The following CEP85L variants were observed in gnomAD, a reference collection of about 807,000 sequenced individuals.
CEP85L encodes centrosomal protein of 85 kDa-like.
A neutral mutation model predicts 100.3 loss-of-function variants in CEP85L; 60 were observed. The ratio of observed to expected loss-of-function variants is 0.60; its 90% CI spans 0.49 to 0.74. The LOEUF is 0.74. Among genes scored for constraint, CEP85L ranks in the 30% least tolerant of loss-of-function variants. The probability of loss-of-function intolerance (pLI) is 0.00; values close to 1 mark genes in which losing one functional copy is unlikely to be tolerated. For missense variants in CEP85L, 973 were observed against 936.2 expected (o/e 1.04, Z -0.51); for synonymous variants, 319 against 322.7 (o/e 0.99, Z 0.12).
At chr6:118,581,627 C>A (rs7751213) in intron 2 of CEP85L, among the ~76,000 whole-genome samples, 103,276 of 151,790 alleles carry the variant, frequency 0.68, 35,831 homozygotes, top group Middle Eastern at 0.74. Flanking sequence ...GGGAGGGAGA[C>A]TAGTTAGAGG....
intron 1 of CEP85L, among the ~76,000 whole-genome samples, chr6:118,640,918 CAGA>C (rs1444135374): frequency 2.6e-5 from 4 of 152,028 alleles, no homozygotes; most frequent in Non-Finnish European, 2.9e-5. Flanking sequence ...AGAAATTTTC[CAGA>C]AGGATAACTA....
chr6:118,574,815 G>A lies in CEP85L; in HGVS notation c.233-8499C>T, dbSNP rs998551570. ...GTGAATGAGACATACAATTAAGTGC[G>A]AAGCGAGTGTGGAGTCCAGATCCAT... On this transcript the variant is annotated intron_variant, in intron 2 of 12. Coordinates refer to ENST00000368491, the MANE Select transcript of CEP85L (RefSeq NM_001042475.3). Among the ~76,000 whole-genome samples the A allele has an allele frequency of 7.2e-5, 11 of 152,212 alleles. No individual in the cohort carries two copies. In the East Asian group the frequency reaches 1.3e-3, roughly 19 times the overall value.
intron 2 of CEP85L, among the ~76,000 whole-genome samples, chr6:118,567,786 T>C (rs1779641722): frequency 1.3e-5 from 2 of 152,156 alleles, no homozygotes; most frequent in South Asian, 2.1e-4. Context: ...AGGTAGACTA[T>C]TCAAAAAATA....
At chr6:118,545,327 C>T (rs1267949837) in intron 3 of CEP85L, among the ~76,000 whole-genome samples, 2 of 152,162 alleles carry the variant, frequency 1.3e-5, no homozygotes, top group South Asian at 2.1e-4. Flanking sequence ...CGGTGGCTCA[C>T]GCCTGTAATC....
chr6:118,679,381 GT>G (rs1317422102), intron 1 of CEP85L, among the ~76,000 whole-genome samples: 13 of 152,206 alleles, frequency 8.5e-5, no homozygotes, highest in Admixed American at 3.9e-4. Flanking sequence ...AGGAAGTAAT[GT>G]GCAGAATGAA....
intron 1 of CEP85L, among the ~76,000 whole-genome samples, chr6:118,649,116 A>T (rs987440342): frequency 6.6e-6 from 1 of 152,198 alleles, no homozygotes; most frequent in African/African-American, 2.4e-5. Context: ...TTTTCATCTA[A>T]GGTAGAACTT....
intron 1 of CEP85L, among the ~76,000 whole-genome samples, chr6:118,662,475 A>T (rs1480541767): frequency 6.6e-6 from 1 of 151,836 alleles, no homozygotes; most frequent in Admixed American, 6.6e-5. Flanking sequence ...GGTTGCAATG[A>T]GCCGAGATCG....
intron 1 of CEP85L, among the ~76,000 whole-genome samples, chr6:118,690,779 G>A (rs990468154): frequency 2.4e-4 from 37 of 152,230 alleles, no homozygotes; most frequent in African/African-American, 6.5e-4. Flanking sequence ...CAAGAGGATC[G>A]CTTGAGCCCA....
intron 12 of CEP85L, among the ~76,000 whole-genome samples, chr6:118,467,322 A>G (rs1759451031): frequency 6.6e-6 from 1 of 152,170 alleles, no homozygotes; most frequent in Admixed American, 6.6e-5. Flanking sequence ...ACCAGTAACA[A>G]AAGGCTTCTG....
At chr6:118,678,272 G>A (rs1377194890) in intron 1 of CEP85L, among the ~76,000 whole-genome samples, 2 of 152,212 alleles carry the variant, frequency 1.3e-5, no homozygotes, top group African/African-American at 2.4e-5. Context: ...TTCCAAGTTG[G>A]ATCAAGTGGG....
intron 1 of CEP85L, 133 bp downstream of exon 1, chr6:118,651,064 G>A: frequency 7.6e-7 from 1 of 1,316,492 alleles, no homozygotes; most frequent in Admixed American, 4.1e-5. Context: ...GGAGGACACT[G>A]GGCACGCGGC....
intron 3 of CEP85L, among the ~76,000 whole-genome samples, chr6:118,557,620 T>C (rs2114961105): frequency 6.6e-6 from 1 of 152,294 alleles, no homozygotes; most frequent in Admixed American, 6.5e-5. Context: ...AGTGGCCTCC[T>C]ATCCAAGGTG....
intron 2 of CEP85L, among the ~76,000 whole-genome samples, chr6:118,626,527 T>G (rs143428425): frequency 1.6e-3 from 237 of 152,334 alleles, no homozygotes; most frequent in African/African-American, 5.4e-3. Flanking sequence ...ATCTAAGGCA[T>G]GTCACAAAAT....
chr6:118,547,332 C>T (rs1213997882), intron 3 of CEP85L, among the ~76,000 whole-genome samples: 1 of 152,078 alleles, frequency 6.6e-6, no homozygotes. Context: ...CACTTACTAG[C>T]ATCTCATTTT....
At position 118,578,024 on chromosome 6, in the gene CEP85L, T is replaced by C. The variant is rs554492601; in HGVS notation, c.233-11708A>G. Among the ~76,000 whole-genome samples the C allele has an allele frequency of 1.4e-4, 21 of 152,258 alleles. No individual in the cohort carries two copies. The South Asian group carries it at 2.1e-3, about 15-fold the overall frequency. On this transcript the variant is annotated intron_variant, in intron 2 of 12. Coordinates refer to ENST00000368491, the MANE Select transcript of CEP85L (RefSeq NM_001042475.3). ...AAATGACCAAGAGGAACAACAAATC[T>C]AAAATATGTTAAAGAAATTTGAAGG...
chr6:118,696,996 T>C (rs1201220223), intron 1 of CEP85L, among the ~76,000 whole-genome samples: 1 of 152,150 alleles, frequency 6.6e-6, no homozygotes, highest in Non-Finnish European at 1.5e-5. Flanking sequence ...CTATTTATTG[T>C]TTGCATTTTA....
At chr6:118,632,393 T>C (rs1774222523) in intron 2 of CEP85L, 60 bp downstream of exon 2, 4 of 1,323,588 alleles carry the variant, frequency 3.0e-6, no homozygotes, top group Middle Eastern at 1.9e-4. Context: ...CCCCTGAAAA[T>C]TCTTGTACCA....
intron 2 of CEP85L, among the ~76,000 whole-genome samples, chr6:118,583,983 C>T (rs1418869892): frequency 2.0e-5 from 3 of 152,178 alleles, no homozygotes; most frequent in African/African-American, 4.8e-5. Flanking sequence ...CTGTCAATAC[C>T]GGTTTGCCTT....
intron 2 of CEP85L, among the ~76,000 whole-genome samples, chr6:118,600,801 T>TACAAAAA (rs1781746288): frequency 6.8e-6 from 1 of 147,004 alleles, no homozygotes; most frequent in Non-Finnish European, 1.5e-5. Context: ...TTGTCTTTTT[T>TACAAAAA]AAAAAAAAAA....
Sources: allele counts gnomAD v4.1 joint callset (sites outside exome capture counted in the v4.1 genomes callset), GRCh38; gene constraint gnomAD v4.1.1; transcripts MANE v1.5; gene names NCBI Gene and HGNC (gene_info 2026-07-23, HGNC 2026-07-21).